Variants in ZFYVE28 observed in about 807,000 individuals in gnomAD.
The protein encoded by ZFYVE28 is zinc finger FYVE-type containing 28, also known as lateral signaling target protein 2 homolog.
A neutral mutation model predicts 82.1 loss-of-function variants in ZFYVE28; 40 were observed. The ratio of observed to expected loss-of-function variants is 0.49; its 90% CI spans 0.38 to 0.63. ZFYVE28 has a LOEUF of 0.63. ZFYVE28 is among the 30% of genes least tolerant of loss of function. ZFYVE28 has a pLI of 0.00. For missense variants in ZFYVE28, 1,321 were observed against 1,242.1 expected, an observed-to-expected ratio of 1.06 and a Z score of -0.96; for synonymous variants, 612 against 546.1, an observed-to-expected ratio of 1.12 and a Z score of -1.68.
chr4:2,296,731 G>A (rs1714631999), intron 8 of ZFYVE28, among the ~76,000 whole-genome samples: 3 of 152,258 alleles, frequency 2.0e-5, no homozygotes, highest in East Asian at 3.9e-4. Flanking sequence ...CCCGCGGGGC[G>A]GCACCTGCTG....
intron 7 of ZFYVE28, among the ~76,000 whole-genome samples, chr4:2,307,683 A>C (rs1226634443): frequency 6.6e-6 from 1 of 152,196 alleles, no homozygotes; most frequent in Non-Finnish European, 1.5e-5. Flanking sequence ...TTTTAGAGAC[A>C]GGGTCTCACT....
rs1736647527 is a variant in ZFYVE28 at position 2,278,184 on chromosome 4, A to G, written c.2052-3968T>C. On this transcript the variant is annotated intron_variant, in intron 8 of 12. Coordinates refer to ENST00000290974, the MANE Select transcript of ZFYVE28 (RefSeq NM_020972.3). The stretch of plus-strand genomic sequence containing the variant: ...AAAATTCACTCGAAATGAATCATAT[A>G]TCTAGATGTCAGAGCTACAACTCAA... Among the ~76,000 whole-genome samples the G allele has an allele frequency of 2.0e-5, 3 of 151,712 alleles. 1 individual carries two copies. Among genetic ancestry groups the G allele is most frequent in the South Asian group, 4.2e-4 (2 of 4,794 alleles).
chr4:2,305,591 C>T, intron 7 of ZFYVE28, 55 bp from the exon 8 acceptor site: 3 of 1,606,122 alleles, frequency 1.9e-6, no homozygotes, highest in Non-Finnish European at 1.7e-6. Flanking sequence ...CACCAGCCTC[C>T]TTGGCCAGGA....
intron 1 of ZFYVE28, among the ~76,000 whole-genome samples, chr4:2,413,699 G>A (rs952064245): frequency 1.3e-5 from 2 of 152,262 alleles, no homozygotes; most frequent in African/African-American, 4.8e-5. Flanking sequence ...CAGTAGCCTG[G>A]CTAGAAGTTA....
intron 8 of ZFYVE28, among the ~76,000 whole-genome samples, chr4:2,302,100 G>T (rs939817714): frequency 1.3e-5 from 2 of 152,228 alleles, no homozygotes; most frequent in African/African-American, 4.8e-5. Context: ...AGGTGGGGGC[G>T]AGTGCTTGTA....
intron 2 of ZFYVE28, among the ~76,000 whole-genome samples, chr4:2,348,699 C>T (rs1723932621): frequency 6.6e-6 from 1 of 152,156 alleles, no homozygotes; most frequent in Non-Finnish European, 1.5e-5. Flanking sequence ...TGGGTCCTGG[C>T]ATCTATATTT....
intron 7 of ZFYVE28, among the ~76,000 whole-genome samples, chr4:2,307,619 A>G (rs111956512): frequency 0.013 from 1,913 of 152,186 alleles, 52 homozygotes; most frequent in African/African-American, 0.044. Flanking sequence ...AGCAGCTGGT[A>G]CTACAGGTGC....
At chr4:2,287,940 A>T (rs1479424895) in intron 8 of ZFYVE28, among the ~76,000 whole-genome samples, 1 of 152,130 alleles carries the variant, frequency 6.6e-6, no homozygotes, top group East Asian at 1.9e-4. Context: ...ATCTCCTCTA[A>T]TTTAGCAGCA....
chr4:2,299,891 G>C lies in ZFYVE28; in HGVS notation c.2051+4398C>G, dbSNP rs545112198. 2.0e-5 allele frequency among the ~76,000 whole-genome samples: 3 copies of C among 152,048 alleles called. No homozygotes were observed. In the South Asian group the frequency reaches 6.2e-4, roughly 32 times the overall value. On this transcript the variant is annotated intron_variant, in intron 8 of 12. Transcript: ENST00000290974. Reference sequence around the variant, plus strand: ...AGGTCACTGCAGTCTCCACCTTCTGGGCTCAAGTGATTCTCCTGCTTCAGC... The same window carrying C: ...AGGTCACTGCAGTCTCCACCTTCTGCGCTCAAGTGATTCTCCTGCTTCAGC...
chr4:2,407,508 G>A lies in ZFYVE28; in HGVS notation c.39+10777C>T, dbSNP rs1179760670. Among the ~76,000 whole-genome samples, 13 of 152,024 alleles carry A rather than the reference G, an allele frequency of 8.6e-5. No homozygotes were observed. The East Asian group carries it at 9.7e-4, about 11-fold the overall frequency. Reference sequence around the variant, plus strand: ...GCTTATGAACCTGATGATTCAACTCGGGAAGATTCTCAGCCGTGAGCAGAA... The same window carrying A: ...GCTTATGAACCTGATGATTCAACTCAGGAAGATTCTCAGCCGTGAGCAGAA... On this transcript the variant is annotated intron_variant, in intron 1 of 12. Coordinates refer to ENST00000290974, the MANE Select transcript of ZFYVE28 (RefSeq NM_020972.3).
chr4:2,298,348 G>A (rs965644007), intron 8 of ZFYVE28, among the ~76,000 whole-genome samples: 2 of 152,146 alleles, frequency 1.3e-5, no homozygotes, highest in Admixed American at 6.5e-5. Context: ...CTGTTGGTCC[G>A]TTTTGCATAT....
At chr4:2,413,826 A>G (rs2108690295) in intron 1 of ZFYVE28, among the ~76,000 whole-genome samples, 1 of 152,212 alleles carries the variant, frequency 6.6e-6, no homozygotes, top group East Asian at 1.9e-4. Context: ...GTCAAGGCAC[A>G]TGCCAGTGAC....
chr4:2,397,911 G>A (rs866079827), intron 1 of ZFYVE28, among the ~76,000 whole-genome samples: 9 of 152,048 alleles, frequency 5.9e-5, no homozygotes, highest in Admixed American at 1.3e-4. Flanking sequence ...CAGGATGTGC[G>A]GAAGGATGTG....
chr4:2,391,455 C>T (rs1357380576), intron 1 of ZFYVE28, among the ~76,000 whole-genome samples: 6 of 117,178 alleles, frequency 5.1e-5, no homozygotes, highest in South Asian at 2.9e-4. Context: ...GGTCAATTAT[C>T]TTTTTTTTTT....
intron 2 of ZFYVE28, among the ~76,000 whole-genome samples, chr4:2,344,858 T>G (rs1235599870): frequency 6.6e-6 from 1 of 151,364 alleles, no homozygotes. Flanking sequence ...ATCATGCCAT[T>G]GCACTCCAGC....
intron 1 of ZFYVE28, among the ~76,000 whole-genome samples, chr4:2,366,965 A>G (rs752847564): frequency 6.6e-6 from 1 of 152,258 alleles, no homozygotes; most frequent in South Asian, 2.1e-4. Flanking sequence ...CAAATCTAGC[A>G]AAGCGTTTTC....
At chr4:2,347,404 TA>T (rs2108873175) in intron 2 of ZFYVE28, among the ~76,000 whole-genome samples, 1 of 152,302 alleles carries the variant, frequency 6.6e-6, no homozygotes, top group East Asian at 1.9e-4. Flanking sequence ...GCAATGCTGC[TA>T]AAACAACCTG....
intron 1 of ZFYVE28, among the ~76,000 whole-genome samples, chr4:2,368,211 CAAAAA>C (rs34092714): frequency 8.1e-5 from 7 of 86,156 alleles, no homozygotes; most frequent in Admixed American, 1.6e-4. Flanking sequence ...CACATCTCTA[CAAAAA>C]AAAAAAAAAA....
chr4:2,337,264 T>C, intron 5 of ZFYVE28, 143 bp downstream of exon 5: 1 of 645,032 alleles, frequency 1.6e-6, no homozygotes, highest in Non-Finnish European at 2.6e-6. Flanking sequence ...GGATGTAGTG[T>C]GGGAAGACAC....
Sources: allele counts gnomAD v4.1 joint callset (sites outside exome capture counted in the v4.1 genomes callset), GRCh38; gene constraint gnomAD v4.1.1; transcripts MANE v1.5; gene names NCBI Gene and HGNC (gene_info 2026-07-23, HGNC 2026-07-21).